Variants in RYR2 observed in about 807,000 individuals in gnomAD.
The protein encoded by RYR2 is cardiac muscle ryanodine receptor-calcium release channel.
Under a neutral mutation model 601.1 loss-of-function variants are expected in RYR2, and 227 were observed. That is an observed-to-expected ratio of 0.38 (90% CI 0.34 to 0.42). RYR2 has a LOEUF of 0.42. Ranked by LOEUF, RYR2 falls within the 10% of genes least tolerant of loss-of-function variation. The probability of loss-of-function intolerance (pLI) is 1.00; values close to 1 mark genes in which losing one functional copy is unlikely to be tolerated. For synonymous variants in RYR2, 2,223 were observed against 2,175.1 expected, an observed-to-expected ratio of 1.02 and a Z score of -0.61; for missense variants, 4,646 against 6,156.5, an observed-to-expected ratio of 0.75 and a Z score of 8.21.
chr1:237,061,627 T>C (rs1662903201), intron 1 of RYR2, among the ~76,000 whole-genome samples: 1 of 152,196 alleles, frequency 6.6e-6, no homozygotes, highest in African/African-American at 2.4e-5. Flanking sequence ...CATTAACTTT[T>C]GGGGAGTATT....
chr1:237,436,454 C>CTTTTTTTTT (rs551140501), intron 12 of RYR2, among the ~76,000 whole-genome samples: 27 of 48,722 alleles, frequency 5.5e-4, no homozygotes, highest in Admixed American at 1.8e-3. Context: ...TGTGATTTTC[C>CTTTTTTTTT]TTTTTTTTTT....
chr1:237,296,974 A>G (rs1447419027), intron 2 of RYR2, among the ~76,000 whole-genome samples: 1 of 152,176 alleles, frequency 6.6e-6, no homozygotes, highest in Non-Finnish European at 1.5e-5. Context: ...ATACAGTTGT[A>G]TTTTAGTGGT....
At chr1:237,563,475 C>A (rs1338653918) in intron 27 of RYR2, among the ~76,000 whole-genome samples, 1 of 146,976 alleles carries the variant, frequency 6.8e-6, no homozygotes, top group Non-Finnish European at 1.5e-5. Flanking sequence ...AAGAAGAGTC[C>A]TTTTTTTTTT....
chr1:237,165,782 A>C (rs1676641295), intron 1 of RYR2, among the ~76,000 whole-genome samples: 1 of 152,042 alleles, frequency 6.6e-6, no homozygotes, highest in Non-Finnish European at 1.5e-5. Context: ...CGGGAGGATC[A>C]CTTGAGCCCA....
At chr1:237,710,953 C>T (rs1480037172) in intron 70 of RYR2, among the ~76,000 whole-genome samples, 3 of 152,156 alleles carry the variant, frequency 2.0e-5, no homozygotes, top group Non-Finnish European at 4.4e-5. Flanking sequence ...TGTTGGGTTA[C>T]TTCACTTAGA....
At chr1:237,724,595 C>G (rs1459931386) in intron 74 of RYR2, among the ~76,000 whole-genome samples, 2 of 151,802 alleles carry the variant, frequency 1.3e-5, no homozygotes, top group Non-Finnish European at 2.9e-5. Context: ...CCCTGAATAA[C>G]TTACGTAATA....
intron 8 of RYR2, among the ~76,000 whole-genome samples, chr1:237,380,848 C>T (rs965926382): frequency 7.9e-5 from 12 of 152,022 alleles, no homozygotes; most frequent in African/African-American, 2.9e-4. Flanking sequence ...AAGGCCGAGG[C>T]GGGTGGATTA....
chr1:237,185,699 T>A (rs918992165), intron 1 of RYR2, among the ~76,000 whole-genome samples: 3 of 152,150 alleles, frequency 2.0e-5, no homozygotes, highest in Non-Finnish European at 4.4e-5. Context: ...GGTTGTGCAT[T>A]CTCAGGGTAA....
Position 237,503,283 on chromosome 1 carries a change from C to T in RYR2, c.2397-6C>T, listed in dbSNP as rs78165942. The T allele has an allele frequency of 2.5e-3, 3,962 of 1,596,156 alleles. 71 individuals are homozygous for T. In the African/African-American group the frequency reaches 0.033, roughly 13 times the overall value. ...TAAAATTGACTCTAACGTGCATCCT[C>T]TTTAGAGTACGCTTTCTGCTTGGAG... is the stretch of plus-strand genomic sequence containing the variant. On this transcript the variant is annotated splice_region_variant and splice_polypyrimidine_tract_variant and intron_variant, in intron 21 of 104. Coordinates refer to ENST00000366574, the MANE Select transcript of RYR2 (RefSeq NM_001035.3).
At chr1:237,444,730 A>G (rs947808644) in intron 13 of RYR2, among the ~76,000 whole-genome samples, 8 of 152,224 alleles carry the variant, frequency 5.3e-5, no homozygotes, top group Admixed American at 4.6e-4. Flanking sequence ...TGTGAAAATC[A>G]TGGAACTGTT....
Position 237,722,436 on chromosome 1 carries a change from A to AT in RYR2, c.10555-677dup, listed in dbSNP as rs779062659. 5.4e-3 allele frequency among the ~76,000 whole-genome samples: 757 copies of AT among 141,124 alleles called. 6 individuals carry two copies. The highest frequency in any genetic ancestry group is 0.013 in the African/African-American group (515 of 38,652). 92.6% of individuals were successfully genotyped at this position (141,124 alleles called of 152,430 possible). ...TTATCTGTCTTTCTTAGTATTTTTA[A>AT]TTTTTTTTTTTTTTTGAGATGGAGT... On this transcript the variant is annotated intron_variant, in intron 73 of 104. Coordinates refer to ENST00000366574, the MANE Select transcript of RYR2 (RefSeq NM_001035.3).
At chr1:237,642,112 A>G (rs1243718061) in intron 47 of RYR2, among the ~76,000 whole-genome samples, 1 of 152,198 alleles carries the variant, frequency 6.6e-6, no homozygotes, top group Non-Finnish European at 1.5e-5. Flanking sequence ...GTATATTTCT[A>G]AAGTGGGATG....
intron 1 of RYR2, among the ~76,000 whole-genome samples, chr1:237,051,927 A>T (rs1323418521): frequency 6.6e-6 from 1 of 152,164 alleles, no homozygotes; most frequent in African/African-American, 2.4e-5. Context: ...TACCTGCAGG[A>T]AGTTACTTTA....
chr1:237,426,014 C>A (rs572347527), intron 12 of RYR2, among the ~76,000 whole-genome samples: 84 of 151,792 alleles, frequency 5.5e-4, no homozygotes, highest in African/African-American at 2.0e-3. Context: ...AATCATTACC[C>A]TTTATTGTAC....
intron 79 of RYR2, among the ~76,000 whole-genome samples, chr1:237,737,366 G>T (rs1475246516): frequency 2.6e-5 from 4 of 152,150 alleles, no homozygotes; most frequent in African/African-American, 9.7e-5. Context: ...ACATTCTCCA[G>T]TATATTCATA....
intron 35 of RYR2, among the ~76,000 whole-genome samples, chr1:237,606,868 A>G (rs1176570244): frequency 6.6e-6 from 1 of 152,232 alleles, no homozygotes; most frequent in Non-Finnish European, 1.5e-5. Flanking sequence ...TCAAAACCAC[A>G]ATGAGATACC....
intron 1 of RYR2, among the ~76,000 whole-genome samples, chr1:237,195,321 T>C (rs1187739410): frequency 1.3e-5 from 2 of 152,206 alleles, no homozygotes; most frequent in African/African-American, 4.8e-5. Flanking sequence ...TGATGTGATC[T>C]CGGTTCACCA....
chr1:237,518,126 A>G (rs962932094), intron 24 of RYR2, among the ~76,000 whole-genome samples: 8 of 152,094 alleles, frequency 5.3e-5, no homozygotes, highest in Non-Finnish European at 8.8e-5. Context: ...TCACCACATC[A>G]TCAACTCCAA....
rs1355488823 is a variant in RYR2, at chr1:237,730,889, T to C, written c.10935+533T>C. Among the ~76,000 whole-genome samples, 4 of 152,138 alleles carry C rather than the reference T, an allele frequency of 2.6e-5. No homozygotes were observed. In the East Asian group the frequency reaches 7.7e-4, roughly 29 times the overall value. ...GTTCAGCACAGAACAGCAGTCAGTATCATCTTTTCTAAGTCATGGACCCAT... is the reference window on the plus strand; with the variant it reads ...GTTCAGCACAGAACAGCAGTCAGTACCATCTTTTCTAAGTCATGGACCCAT... On this transcript the variant is annotated intron_variant, in intron 77 of 104. Transcript: ENST00000366574.
Sources: allele counts gnomAD v4.1 joint callset (sites outside exome capture counted in the v4.1 genomes callset), GRCh38; gene constraint gnomAD v4.1.1; transcripts MANE v1.5; gene names NCBI Gene and HGNC (gene_info 2026-07-23, HGNC 2026-07-21).